NUMA1: variants seen among roughly 807,000 people sequenced by gnomAD.
NUMA1 encodes SP-H antigen.
NUMA1 carries 62 observed loss-of-function variants against 237.1 expected under a neutral mutation model. The observed-to-expected ratio is 0.26, with a 90% CI of 0.21 to 0.32. The LOEUF is 0.32. Among genes scored for constraint, NUMA1 ranks in the 10% least tolerant of loss-of-function variants. NUMA1 has a pLI of 1.00. For missense variants in NUMA1, 2,533 were observed against 2,666.5 expected (o/e 0.95, Z 1.10); for synonymous variants, 1,028 against 1,066.1 (o/e 0.96, Z 0.70).
At chr11:72,005,171 G>T in intron 23 of NUMA1, 62 bp downstream of exon 23, 1 of 1,495,580 alleles carries the variant, frequency 6.7e-7, no homozygotes, top group Non-Finnish European at 8.9e-7. Context: ...GGCTAGATCA[G>T]CAGGTGGGAT....
intron 1 of NUMA1, among the ~76,000 whole-genome samples, chr11:72,072,910 C>T (rs1943521429): frequency 6.6e-6 from 1 of 151,870 alleles, no homozygotes; most frequent in Non-Finnish European, 1.5e-5. Context: ...GGCGCGGTGG[C>T]GGGTGCCTGT....
intron 2 of NUMA1, among the ~76,000 whole-genome samples, chr11:72,037,422 C>T (rs992649101): frequency 7.2e-5 from 11 of 152,230 alleles, no homozygotes; most frequent in East Asian, 1.9e-4. Context: ...AGGAGAATGG[C>T]GTGAACCCGG....
chr11:72,016,593 C>G, intron 13 of NUMA1, 63 bp from the exon 14 acceptor site: 3 of 1,565,894 alleles, frequency 1.9e-6, no homozygotes, highest in Non-Finnish European at 2.6e-6. Flanking sequence ...ACCACACAAG[C>G]CCTCATAAAC....
At chr11:72,005,420 C>T (rs1955620614) in intron 22 of NUMA1, 51 bp from the exon 23 acceptor site, 2 of 1,569,660 alleles carry the variant, frequency 1.3e-6, no homozygotes, top group African/African-American at 1.4e-5. Context: ...CGGCAGGTCA[C>T]CTCCTGGCCC....
rs748265031 is a variant in NUMA1 at position 72,019,634 on chromosome 11, G to C, written c.461-17C>G. 1.9e-6 allele frequency: 3 copies of C among 1,609,086 alleles called. No homozygotes were observed. The highest frequency in any genetic ancestry group is 2.2e-5 in the South Asian group (2 of 90,440). On this transcript the variant is annotated splice_polypyrimidine_tract_variant and intron_variant, in intron 8 of 26. Coordinates refer to ENST00000393695, the MANE Select transcript of NUMA1 (RefSeq NM_006185.4). ...GCACAGGAGCTGGGGGTAAGAAATA[G>C]ACAAAATAAATCAACAAAGGTTAGT...
chr11:72,008,291 T>TC lies in NUMA1; in HGVS notation c.5216+396dup, dbSNP rs1026519040. 4.5e-4 allele frequency: 169 copies of TC among 375,702 alleles called. 1 individual carries two copies. Among genetic ancestry groups the TC allele is most frequent in the African/African-American group, 3.4e-3 (161 of 47,564 alleles). 23.3% of individuals were successfully genotyped at this position (375,702 alleles called of 1,614,324 possible). On this transcript the variant is annotated intron_variant, in intron 20 of 26. Coordinates refer to ENST00000393695, the MANE Select transcript of NUMA1 (RefSeq NM_006185.4). The stretch of plus-strand genomic sequence containing the variant: ...AATTCTTCCAAGGTTCCTTTTTTTT[T>TC]CTCCTAAACCTTTCAATTACAGCCA...
chr11:72,045,830 G>C (rs964836761), intron 2 of NUMA1, among the ~76,000 whole-genome samples: 1 of 152,162 alleles, frequency 6.6e-6, no homozygotes. Context: ...AAATGTATAA[G>C]GTGAAAATAG....
chr11:72,023,012 G>T (rs1939098780), intron 6 of NUMA1, 53 bp downstream of exon 6: 5 of 1,333,040 alleles, frequency 3.8e-6, no homozygotes, highest in Non-Finnish European at 5.4e-6. Flanking sequence ...GGTCCCTCAG[G>T]TACCATCACC....
At chr11:72,007,698 T>G (rs1338579811) in intron 20 of NUMA1, 4 of 523,576 alleles carry the variant, frequency 7.6e-6, no homozygotes, top group Non-Finnish European at 1.4e-5. Flanking sequence ...CCATGGCTGC[T>G]TCACAGCAAA....
At chr11:72,042,957 T>A (rs947673461) in intron 2 of NUMA1, among the ~76,000 whole-genome samples, 1 of 150,564 alleles carries the variant, frequency 6.6e-6, no homozygotes, top group Non-Finnish European at 1.5e-5. Context: ...CTACAAAAAA[T>A]TTCATGAATA....
At chr11:72,029,071 C>T (rs923925767) in intron 4 of NUMA1, 134 bp downstream of exon 4, 3 of 605,074 alleles carry the variant, frequency 5.0e-6, no homozygotes, top group East Asian at 2.9e-5. Context: ...TAGGCCCCAC[C>T]CTGGCTTATG....
intron 2 of NUMA1, among the ~76,000 whole-genome samples, chr11:72,047,224 C>A (rs1358353908): frequency 6.6e-6 from 1 of 152,114 alleles, no homozygotes; most frequent in Non-Finnish European, 1.5e-5. Context: ...AATCCCAGAA[C>A]TTTGGGAGGC....
In NUMA1 at chr11:72,025,094, C is replaced by T. The variant is rs534446739; in HGVS notation, c.129-741G>A. Among the ~76,000 whole-genome samples the T allele has an allele frequency of 1.3e-4, 20 of 152,282 alleles. No individual in the cohort carries two copies. In the East Asian group the frequency reaches 2.1e-3, roughly 16 times the overall value. On this transcript the variant is annotated intron_variant, in intron 4 of 26. Coordinates refer to ENST00000393695, the MANE Select transcript of NUMA1 (RefSeq NM_006185.4). ...TGTATTTTTAGTAGAGATGGGGTTT[C>T]GCCATGTTGGCCAGGCTGGTCTCAA... is the stretch of plus-strand genomic sequence containing the variant.
intron 2 of NUMA1, among the ~76,000 whole-genome samples, chr11:72,054,968 A>G (rs661290): frequency 0.92 from 139,296 of 152,064 alleles, 64,119 homozygotes; most frequent in Non-Finnish European, 0.98. Flanking sequence ...AGTGGGCATC[A>G]GCATTAAGAG....
chr11:72,007,547 C>CA (rs1955825701), intron 20 of NUMA1, 112 bp from the exon 21 acceptor site: 1 of 1,318,092 alleles, frequency 7.6e-7, no homozygotes. Flanking sequence ...TGAGGTCAAG[C>CA]AGCCCATCTC....
At chr11:72,040,093 G>A (rs966446046) in intron 2 of NUMA1, among the ~76,000 whole-genome samples, 2 of 152,204 alleles carry the variant, frequency 1.3e-5, no homozygotes, top group Admixed American at 1.3e-4. Context: ...AATTCCTGGG[G>A]AGTCCTGGGT....
intron 14 of NUMA1, 69 bp from the exon 15 acceptor site, chr11:72,016,329 AG>A: frequency 6.3e-7 from 1 of 1,587,214 alleles, no homozygotes; most frequent in Non-Finnish European, 8.6e-7. Flanking sequence ...CTGGAAATGG[AG>A]GAACACCAGG....
rs765225724 is a variant in NUMA1, at chr11:72,023,092, T to C, written c.264A>G (p.Leu88=). Reference sequence around the variant, plus strand: ...TCGCCAGTTCCAGCTCTGATCCCTCTAGCACCTTCTGTGCAGATACCAGGC... The same window carrying C: ...TCGCCAGTTCCAGCTCTGATCCCTCCAGCACCTTCTGTGCAGATACCAGGC... The part of the protein sequence containing the change: ...PECLVSAQKV[L]EGSELELAKM... The change falls in exon 6 of 27, where the codon CTA becomes CTG. Residue 88 remains leucine (L), a synonymous_variant. Coordinates refer to ENST00000393695, the MANE Select transcript of NUMA1 (RefSeq NM_006185.4). 7 of 1,613,790 alleles carry C rather than the reference T, an allele frequency of 4.3e-6. No homozygotes were observed. The highest frequency in any genetic ancestry group is 5.9e-6 in the Non-Finnish European group (7 of 1,179,852).
In NUMA1 at chr11:72,008,770, G is replaced by A. The variant is rs1270226745; in HGVS notation, c.5134C>T (p.Pro1712Ser). 1.2e-6 allele frequency: 2 copies of A among 1,614,106 alleles called. No individual in the cohort carries two copies. Among genetic ancestry groups the A allele is most frequent in the Admixed American group, 3.3e-5 (2 of 59,996 alleles). Residue 1712 changes from proline to serine, a missense_variant, in exon 20 of 27, where the codon CCC becomes TCC. Around this residue, in one of 3 missense-constraint regions of NUMA1, gnomAD observed 795 missense variants for 750.8 expected, o/e 1.06. Transcript: ENST00000393695. Reference sequence around the variant, plus strand: ...AAGTCCAGCTGGGGCTTAGCCTGGGGCTCACGGCTCTTTAAAGCATCAGTT... The same window carrying A: ...AAGTCCAGCTGGGGCTTAGCCTGGGACTCACGGCTCTTTAAAGCATCAGTT... ...VATDALKSRE[P>S]QAKPQLDLSI...
Sources: gnomAD v4.1 joint callset for allele counts (sites outside exome capture counted in the v4.1 genomes callset) on GRCh38, gnomAD v4.1.1 for gene constraint, gnomAD v4.1.1 regional missense constraint, MANE v1.5 for transcripts, NCBI Gene and HGNC (gene_info 2026-07-23, HGNC 2026-07-21) for gene names.